The following SLC26A6 variants were observed in gnomAD, a reference collection of about 807,000 sequenced individuals.
SLC26A6 encodes solute carrier family 26 member 6.
Under a neutral mutation model 87.1 loss-of-function variants are expected in SLC26A6, and 67 were observed. The observed-to-expected ratio is 0.77, with a 90% CI of 0.63 to 0.94. The LOEUF (loss-of-function observed/expected upper bound fraction) is 0.94, where lower values mean the gene tolerates loss of function less well. SLC26A6 is among the 40% of genes least tolerant of loss of function. The pLI, the probability that SLC26A6 is intolerant of heterozygous loss-of-function variation, is 0.00. For synonymous variants in SLC26A6, 414 were observed against 405.9 expected, an observed-to-expected ratio of 1.02 and a Z score of -0.24; for missense variants, 902 against 973.0, an observed-to-expected ratio of 0.93 and a Z score of 0.97.
In SLC26A6 at chr3:48,630,675, G is replaced by A; in HGVS notation, c.1180C>T (p.Gln394Ter). 1 of 1,603,090 alleles carries A rather than the reference G, an allele frequency of 6.2e-7. No homozygotes were observed. The highest frequency in any genetic ancestry group is 8.5e-7 in the Non-Finnish European group (1 of 1,174,124). The part of the protein sequence containing the change: ...GLSNLIGGIF[Q>*]CFPVSCSMSR... Reference sequence around the variant, plus strand: ...ATAGAGCAACTCACGGGGAAGCACTGGAAGATGCCTCCGATAAGGTTACTG... The same window carrying A: ...ATAGAGCAACTCACGGGGAAGCACTAGAAGATGCCTCCGATAAGGTTACTG... The change falls in exon 10 of 21, where the codon CAG (glutamine) becomes TAG (stop). Residue 394 changes from glutamine to a stop codon, truncating the protein, a stop_gained. Transcript: ENST00000395550. LOFTEE classifies it high-confidence loss of function.
chr3:48,632,387 G>T lies in SLC26A6; in HGVS notation c.443C>A (p.Ala148Asp). ...ACTGCCCACCATCACAGACATGACA[G>T]CAAAGGTCCCTGTAAGGACGGCACG... ...TSRHISVGTF[A>D]VMSVMVGSVT... is the part of the protein sequence containing the mutation. The change falls in exon 5 of 21, where the codon GCT (alanine) becomes GAT (aspartate). Residue 148 changes from alanine (A) to aspartate (D), a missense_variant. Around this residue, in one of 3 missense-constraint regions of SLC26A6, gnomAD observed 800 missense variants for 856.8 expected, o/e 0.93. Transcript: ENST00000395550. 1 of 1,607,542 alleles carries T rather than the reference G, an allele frequency of 6.2e-7. No individual in the cohort carries two copies. The highest frequency in any genetic ancestry group is 8.5e-7 in the Non-Finnish European group (1 of 1,176,588).
At chr3:48,630,579 C>G in intron 10 of SLC26A6, 28 bp downstream of exon 10, 12 of 1,562,100 alleles carry the variant, frequency 7.7e-6, no homozygotes, top group Non-Finnish European at 1.0e-5. Context: ...TGTGCATGCC[C>G]ACACCCATGC....
In SLC26A6 at chr3:48,630,531, G is replaced by T. The variant is rs1464308959; in HGVS notation, c.1249-16C>A. 2 of 1,558,716 alleles carry T rather than the reference G, an allele frequency of 1.3e-6. No individual in the cohort carries two copies. Among genetic ancestry groups the T allele is most frequent in the African/African-American group, 2.7e-5 (2 of 73,350 alleles). On this transcript the variant is annotated splice_polypyrimidine_tract_variant and intron_variant, in intron 10 of 20. Coordinates refer to ENST00000395550, the MANE Select transcript of SLC26A6 (RefSeq NM_022911.3). ...CTCCAGCAACCTGTTCGGGGAGGGA[G>T]TGAGCAGGGGAGAGACCTCCTTCCC...
chr3:48,629,459 CCT>C (rs2046718035), intron 14 of SLC26A6, among the ~76,000 whole-genome samples, 181 bp downstream of exon 14: 1 of 152,196 alleles, frequency 6.6e-6, no homozygotes, highest in African/African-American at 2.4e-5. Flanking sequence ...GTCCACTCTC[CCT>C]CTGTCCCTTC....
rs1473159967 is a variant in SLC26A6, at chr3:48,635,441, G to C, written c.-48C>G. On this transcript the variant is annotated 5_prime_UTR_variant, in exon 1 of 21. Transcript: ENST00000395550. ...GGCTGCTCCTGCTGCTCGAGCTAGA[G>C]GCCGCTACGCTCCGGAAGGCGGCGC... 1.5e-5 allele frequency: 23 copies of C among 1,556,276 alleles called. No homozygotes were observed. The highest frequency in any genetic ancestry group is 2.7e-5 in the African/African-American group (2 of 73,148).
chr3:48,630,816 C>T (rs1249915848), intron 9 of SLC26A6, 96 bp from the exon 10 acceptor site: 5 of 1,499,844 alleles, frequency 3.3e-6, no homozygotes, highest in South Asian at 1.2e-5. Flanking sequence ...TCTCCATCCC[C>T]ACCAAGTGGC....
At chr3:48,635,155 A>C (rs2046920912) in intron 1 of SLC26A6, among the ~76,000 whole-genome samples, 1 of 152,182 alleles carries the variant, frequency 6.6e-6, no homozygotes, top group African/African-American at 2.4e-5. Context: ...CGGGCGTCAC[A>C]CCAGCGGCTT....
intron 5 of SLC26A6, 48 bp downstream of exon 5, chr3:48,632,197 G>T (rs1339880796): frequency 6.4e-7 from 1 of 1,568,484 alleles, no homozygotes; most frequent in Non-Finnish European, 8.7e-7. Context: ...GGACAGTGGC[G>T]GGAGCAGAAG....
In SLC26A6 at chr3:48,631,070, C is replaced by T. The variant is rs904484009; in HGVS notation, c.1057G>A (p.Val353Met). ...GAGATGGCAATGGCAAACCCAACCACAGCGATGGTGAAGGCGCTGCCCACG... is the reference window on the plus strand; with the variant it reads ...GAGATGGCAATGGCAAACCCAACCATAGCGATGGTGAAGGCGCTGCCCACG... Reference protein sequence around the residue: ...KLVGSAFTIAVVGFAIAISLG... With the variant: ...KLVGSAFTIAMVGFAIAISLG... The change falls in exon 9 of 21, where the codon GTG becomes ATG. Residue 353 changes from valine (V) to methionine (M), a missense_variant. Around this residue, in one of 3 missense-constraint regions of SLC26A6, gnomAD observed 800 missense variants for 856.8 expected, o/e 0.93. Transcript: ENST00000395550. 1 of 1,613,788 alleles carries T rather than the reference C, an allele frequency of 6.2e-7. No homozygotes were observed.
rs375933990 is a variant in SLC26A6, at chr3:48,630,980, G to A, written c.1134+13C>T. ...CACTTGGATGCCTCCTACACATCCC[G>A]CATCACCCAGACCTGGTTGCTGTCC... is the stretch of plus-strand genomic sequence containing the variant. On this transcript the variant is annotated intron_variant, in intron 9 of 20. Coordinates refer to ENST00000395550, the MANE Select transcript of SLC26A6 (RefSeq NM_022911.3). 1.8e-5 allele frequency: 29 copies of A among 1,613,414 alleles called. No individual in the cohort carries two copies. Among genetic ancestry groups the A allele is most frequent in the East Asian group, 1.6e-4 (7 of 44,880 alleles).
At chr3:48,631,186 G>T (rs200312547) in intron 8 of SLC26A6, 38 bp downstream of exon 8, 4 of 1,612,586 alleles carry the variant, frequency 2.5e-6, no homozygotes, top group Admixed American at 3.3e-5. Context: ...TGTCCTGGCT[G>T]CCCAACCCTC....
chr3:48,630,979 C>T lies in SLC26A6; in HGVS notation c.1134+14G>A, dbSNP rs750907959. On this transcript the variant is annotated intron_variant, in intron 9 of 20. Transcript: ENST00000395550. ...ACACTTGGATGCCTCCTACACATCC[C>T]GCATCACCCAGACCTGGTTGCTGTC... 3.2e-5 allele frequency: 52 copies of T among 1,613,320 alleles called. No individual in the cohort carries two copies. The highest frequency in any genetic ancestry group is 9.9e-5 in the South Asian group (9 of 91,058).
chr3:48,634,342 T>C (rs2046894454), intron 1 of SLC26A6: 1 of 152,302 alleles, frequency 6.6e-6, no homozygotes, highest in South Asian at 2.1e-4. Context: ...CACCTGGGAA[T>C]AGAAGCTTTC....
In SLC26A6 at chr3:48,626,200, G is replaced by A. The variant is rs1449558834; in HGVS notation, c.2265+18C>T. 4 of 1,613,920 alleles carry A rather than the reference G, an allele frequency of 2.5e-6. No homozygotes were observed. The highest frequency in any genetic ancestry group is 1.7e-6 in the Non-Finnish European group (2 of 1,179,994). On this transcript the variant is annotated intron_variant, in intron 20 of 20. Coordinates refer to ENST00000395550, the MANE Select transcript of SLC26A6 (RefSeq NM_022911.3). ...TAGATTAACAAAAAAGAGCTTGGCA[G>A]GCCAGAGGTAGGCTCACCGAAACAG...
Position 48,633,569 on chromosome 3 carries a change from G to A in SLC26A6, c.90C>T (p.His30=). 6.2e-7 allele frequency: 1 copy of A among 1,613,592 alleles called. No homozygotes were observed. The highest frequency in any genetic ancestry group is 8.5e-7 in the Non-Finnish European group (1 of 1,180,006). ...QAMDLRRRDY[H]MERPLLNQEH... Reference sequence around the variant, plus strand: ...CCTGGTTCAGCAGCGGCCGTTCCATGTGGTAGTCTCGCCTCCGCAGGTCCA... The same window carrying A: ...CCTGGTTCAGCAGCGGCCGTTCCATATGGTAGTCTCGCCTCCGCAGGTCCA... Residue 30 remains histidine (H), a synonymous_variant, in exon 2 of 21, where the codon CAC becomes CAT. Coordinates refer to ENST00000395550, the MANE Select transcript of SLC26A6 (RefSeq NM_022911.3).
Position 48,632,236 on chromosome 3 carries a change from G to C in SLC26A6, c.585+9C>G. The C allele has an allele frequency of 1.3e-6, 2 of 1,589,970 alleles. No individual in the cohort carries two copies. Among genetic ancestry groups the C allele is most frequent in the Middle Eastern group, 1.7e-4 (1 of 5,962 alleles). The stretch of plus-strand genomic sequence containing the variant: ...TGGTGGGGGGCACATACTCCTGACT[G>C]TTCCACACCTGGAAGAGGCCAACCA... On this transcript the variant is annotated intron_variant, in intron 5 of 20. Transcript: ENST00000395550.
intron 14 of SLC26A6, 120 bp downstream of exon 14, chr3:48,629,522 G>T: frequency 1.8e-6 from 2 of 1,134,152 alleles, no homozygotes; most frequent in South Asian, 1.5e-5. Flanking sequence ...AAATCCCAAA[G>T]ACCAAAGCCA....
chr3:48,631,649 C>T lies in SLC26A6; in HGVS notation c.903G>A (p.Thr301=), dbSNP rs775812238. The T allele has an allele frequency of 1.1e-5, 18 of 1,612,818 alleles. 1 individual carries two copies. In the Middle Eastern group the frequency reaches 8.3e-4, roughly 74 times the overall value. The change falls in exon 7 of 21, where the codon ACG becomes ACA. Residue 301 remains threonine (T), a splice_region_variant and synonymous_variant. Transcript: ENST00000395550. ...GCCCTCCACTCCCTGGCCCTCGAAC[C>T]GTGAGCAGCTCCCCGGGTATCGGCA... ...LPMPIPGELL[T]LIGATGISYG...
In SLC26A6 at chr3:48,626,891, G is replaced by A. The variant is rs1248703721; in HGVS notation, c.2058C>T (p.Leu686=). 8 of 1,613,788 alleles carry A rather than the reference G, an allele frequency of 5.0e-6. No individual in the cohort carries two copies. Among genetic ancestry groups the A allele is most frequent in the Middle Eastern group, 1.7e-4 (1 of 6,044 alleles). ...CCGTCCTTACATTCTTCAGGCTCTT[G>A]AGGCACACAGTGTCCACAAAGGAGA... The part of the protein sequence containing the change: ...GALSFVDTVC[L]KSLKNIFHDF... The change falls in exon 18 of 21, where the codon CTC becomes CTT. Residue 686 remains leucine (L), a synonymous_variant. Transcript: ENST00000395550.
Sources: gnomAD v4.1 joint callset for allele counts (sites outside exome capture counted in the v4.1 genomes callset) on GRCh38, gnomAD v4.1.1 for gene constraint, gnomAD v4.1.1 regional missense constraint, MANE v1.5 for transcripts, NCBI Gene and HGNC (gene_info 2026-07-23, HGNC 2026-07-21) for gene names.